Variants in JARID2 observed in about 807,000 individuals in gnomAD.
The protein encoded by JARID2 is protein Jumonji.
Under a neutral mutation model 125.6 loss-of-function variants are expected in JARID2, and 21 were observed. The ratio of observed to expected loss-of-function variants is 0.17; its 90% CI spans 0.12 to 0.24. JARID2 has a LOEUF of 0.24. Among genes scored for constraint, JARID2 ranks in the 10% least tolerant of loss-of-function variants. The pLI, the probability that JARID2 is intolerant of heterozygous loss-of-function variation, is 1.00. For synonymous variants in JARID2, 736 were observed against 661.6 expected, an observed-to-expected ratio of 1.11 and a Z score of -1.73; for missense variants, 1,303 against 1,639.6, an observed-to-expected ratio of 0.79 and a Z score of 3.55.
intron 1 of JARID2, among the ~76,000 whole-genome samples, chr6:15,269,388 A>AG (rs1760209920): frequency 6.6e-6 from 1 of 152,116 alleles, no homozygotes; most frequent in African/African-American, 2.4e-5. Flanking sequence ...TTTAAGAGAC[A>AG]GGGTCTGTTG....
chr6:15,471,011 C>T (rs181511296), intron 5 of JARID2, among the ~76,000 whole-genome samples: 72 of 152,320 alleles, frequency 4.7e-4, no homozygotes, highest in Non-Finnish European at 7.2e-4. Flanking sequence ...TGGTAGCAGA[C>T]TAGTCTGAAA....
chr6:15,313,545 C>G (rs915525355), intron 1 of JARID2, among the ~76,000 whole-genome samples: 3 of 152,216 alleles, frequency 2.0e-5, no homozygotes, highest in African/African-American at 7.2e-5. Context: ...GCCAGGGTTG[C>G]TGTTCACATC....
chr6:15,480,634 G>A (rs1561892498), intron 5 of JARID2, among the ~76,000 whole-genome samples: 1 of 152,186 alleles, frequency 6.6e-6, no homozygotes. Context: ...TGCAGCAAGA[G>A]CTTTCGAAAA....
chr6:15,459,080 A>G (rs1768326778), intron 4 of JARID2, among the ~76,000 whole-genome samples: 2 of 152,230 alleles, frequency 1.3e-5, no homozygotes, highest in African/African-American at 4.8e-5. Flanking sequence ...GATGATTTAA[A>G]TATTTCTCAG....
At chr6:15,402,817 G>A (rs1008075762) in intron 2 of JARID2, among the ~76,000 whole-genome samples, 11 of 152,098 alleles carry the variant, frequency 7.2e-5, no homozygotes, top group African/African-American at 2.7e-4. Context: ...TTATATTTTG[G>A]TGCGTATTTA....
chr6:15,520,194 G>A lies in JARID2; in HGVS notation c.3684G>A (p.Val1228=). ...RGPRKRATVD[V]PPSRLSASSS... ...CCCGCAAGAGAGCGACAGTGGACGT[G>A]CCCCCCTCCCGTCTGTCAGCCTCCA... The change falls in exon 18 of 18, where the codon GTG becomes GTA. Residue 1228 remains valine (V), a synonymous_variant. Transcript: ENST00000341776. 6.2e-7 allele frequency: 1 copy of A among 1,613,530 alleles called. No individual in the cohort carries two copies. Among genetic ancestry groups the A allele is most frequent in the Non-Finnish European group, 8.5e-7 (1 of 1,179,760 alleles).
intron 1 of JARID2, among the ~76,000 whole-genome samples, chr6:15,318,744 G>T (rs758575781): frequency 6.6e-6 from 1 of 152,214 alleles, no homozygotes; most frequent in East Asian, 1.9e-4. Context: ...TGAGGGGTGG[G>T]AAAGGCAACA....
intron 3 of JARID2, among the ~76,000 whole-genome samples, chr6:15,416,895 A>G (rs1231042876): frequency 1.3e-5 from 2 of 152,112 alleles, no homozygotes; most frequent in African/African-American, 2.4e-5. Flanking sequence ...TCAGTCTCTC[A>G]GTATGTGTAG....
intron 1 of JARID2, among the ~76,000 whole-genome samples, chr6:15,271,239 A>G (rs1004666505): frequency 6.6e-6 from 1 of 152,148 alleles, no homozygotes; most frequent in African/African-American, 2.4e-5. Flanking sequence ...GAGGTTCAGG[A>G]GGGCTTGAGG....
chr6:15,479,861 T>C (rs1769526955), intron 5 of JARID2, among the ~76,000 whole-genome samples: 1 of 152,236 alleles, frequency 6.6e-6, no homozygotes, highest in South Asian at 2.1e-4. Flanking sequence ...CAAACCGGGT[T>C]ACAGCACTCA....
At chr6:15,478,369 G>C (rs989492052) in intron 5 of JARID2, among the ~76,000 whole-genome samples, 2 of 152,086 alleles carry the variant, frequency 1.3e-5, no homozygotes, top group Non-Finnish European at 2.9e-5. Context: ...TGTGAGGGTG[G>C]GGTCACTACT....
chr6:15,517,048 C>G (rs1771595216), intron 16 of JARID2, 113 bp from the exon 17 acceptor site: 2 of 736,790 alleles, frequency 2.7e-6, no homozygotes, highest in East Asian at 2.5e-5. Flanking sequence ...TGGGGCTACT[C>G]TGGCGCGGGC....
intron 1 of JARID2, among the ~76,000 whole-genome samples, chr6:15,291,893 G>A (rs1239029363): frequency 1.3e-5 from 2 of 152,022 alleles, no homozygotes; most frequent in African/African-American, 2.4e-5. Flanking sequence ...ACTGGACAGT[G>A]TCATAGCATT....
At chr6:15,280,146 A>G (rs1005313587) in intron 1 of JARID2, among the ~76,000 whole-genome samples, 6 of 152,188 alleles carry the variant, frequency 3.9e-5, no homozygotes, top group Admixed American at 3.9e-4. Flanking sequence ...TTGGTTATCC[A>G]TTAAAAAAGG....
chr6:15,519,617 T>C (rs1269051681), intron 17 of JARID2, among the ~76,000 whole-genome samples: 1 of 152,202 alleles, frequency 6.6e-6, no homozygotes, highest in Admixed American at 6.5e-5. Context: ...TTCTCTTGAG[T>C]GAATTACAAG....
intron 2 of JARID2, among the ~76,000 whole-genome samples, chr6:15,388,482 T>A (rs114358523): frequency 8.9e-4 from 135 of 152,000 alleles, no homozygotes; most frequent in Non-Finnish European, 1.6e-3. Flanking sequence ...AGATTTAGCT[T>A]CTTCATAATT....
intron 1 of JARID2, among the ~76,000 whole-genome samples, chr6:15,356,518 C>T (rs575800523): frequency 5.3e-5 from 8 of 152,108 alleles, no homozygotes; most frequent in Admixed American, 3.3e-4. Flanking sequence ...CTATTTGTCA[C>T]GTAGTACATT....
chr6:15,349,720 G>A (rs1056859686), intron 1 of JARID2, among the ~76,000 whole-genome samples: 2 of 152,206 alleles, frequency 1.3e-5, no homozygotes, highest in African/African-American at 4.8e-5. Context: ...CACCCCTTAC[G>A]CTAGTGCTGC....
chr6:15,476,263 C>T (rs997117999), intron 5 of JARID2, among the ~76,000 whole-genome samples: 2 of 152,206 alleles, frequency 1.3e-5, no homozygotes, highest in Admixed American at 6.5e-5. Context: ...AGCTGAAGAA[C>T]CTAGAACCCA....
Sources: gnomAD v4.1 joint callset for allele counts (sites outside exome capture counted in the v4.1 genomes callset) on GRCh38, gnomAD v4.1.1 for gene constraint, MANE v1.5 for transcripts, NCBI Gene and HGNC (gene_info 2026-07-23, HGNC 2026-07-21) for gene names.